FAT4: variants seen among roughly 807,000 people sequenced by gnomAD.
FAT4 encodes FAT atypical cadherin 4, also known as protocadherin Fat 4.
Under a neutral mutation model 303.9 loss-of-function variants are expected in FAT4, and 84 were observed. The observed-to-expected ratio is 0.28, with a 90% CI of 0.23 to 0.33. The LOEUF is 0.33. Among genes scored for constraint, FAT4 ranks in the 10% least tolerant of loss-of-function variants. FAT4 has a pLI of 1.00. For missense variants in FAT4, 6,005 were observed against 6,146.8 expected (o/e 0.98, Z 0.77); for synonymous variants, 2,307 against 2,298.8 (o/e 1.00, Z -0.10).
In FAT4 at chr4:125,490,068, A is replaced by T; in HGVS notation, c.13252A>T (p.Ile4418Phe). The T allele has an allele frequency of 6.2e-7, 1 of 1,614,006 alleles. No homozygotes were observed. Among genetic ancestry groups the T allele is most frequent in the Non-Finnish European group, 8.5e-7 (1 of 1,179,984 alleles). Residue 4418 changes from isoleucine to phenylalanine, a missense_variant, in exon 18 of 18, where the codon ATT becomes TTT. Physicochemically the swap from Ile to Phe is conservative, Grantham distance 21. Coordinates refer to ENST00000394329, the MANE Select transcript of FAT4 (RefSeq NM_001291303.3). ...CCCCTGCTGGGGTGATTTGCTGTGC[A>T]TTAATCAGTGGTATGCCTACAGGTG... ...SNPCWGDLLC[I>F]NQWYAYRCVP...
At position 125,448,498 on chromosome 4, in the gene FAT4, T is replaced by C. The variant is rs769577317; in HGVS notation, c.7488T>C (p.Asp2496=). ...TTGCGGTTACAGTCACAGATGCTGA[T>C]ATTGGACCAAATTCTGAACTGCATT... ...FVFAVTVTDA[D]IGPNSELHYS... is the part of the protein sequence containing the mutation. The change falls in exon 10 of 18, where the codon GAT becomes GAC. Residue 2496 remains aspartate, a synonymous_variant. Transcript: ENST00000394329. 8 of 1,612,262 alleles carry C rather than the reference T, an allele frequency of 5.0e-6. 1 individual carries two copies. The South Asian group carries it at 8.8e-5, about 18-fold the overall frequency.
chr4:125,404,985 G>A (rs1333916906), intron 3 of FAT4, among the ~76,000 whole-genome samples: 1 of 150,492 alleles, frequency 6.6e-6, no homozygotes, highest in Non-Finnish European at 1.5e-5. Context: ...GACCAGAAGT[G>A]TCTCAAATTC....
chr4:125,370,726 T>C (rs551941660), intron 2 of FAT4, among the ~76,000 whole-genome samples: 1 of 152,168 alleles, frequency 6.6e-6, no homozygotes, highest in Non-Finnish European at 1.5e-5. Flanking sequence ...GCAGGCAGTG[T>C]CATCTCTCTG....
At chr4:125,412,824 A>G (rs941702468) in intron 5 of FAT4, among the ~76,000 whole-genome samples, 2 of 151,812 alleles carry the variant, frequency 1.3e-5, no homozygotes, top group African/African-American at 4.8e-5. Flanking sequence ...TCTAGAATTA[A>G]ATTTTATATC....
In FAT4 at chr4:125,450,381, G is replaced by A; in HGVS notation, c.9371G>A (p.Gly3124Asp). Residue 3124 changes from glycine to aspartate, a missense_variant, in exon 10 of 18, where the codon GGC (glycine) becomes GAC (aspartate). Transcript: ENST00000394329. ...SARDRDAAMN[G>D]LIKYSISSGN... ...AGAGATAGAGATGCAGCGATGAATG[G>A]CTTGATTAAGTACAGCATTTCTTCA... 1 of 1,614,048 alleles carries A rather than the reference G, an allele frequency of 6.2e-7. No individual in the cohort carries two copies.
intron 2 of FAT4, among the ~76,000 whole-genome samples, chr4:125,371,011 G>T (rs1733087545): frequency 6.6e-6 from 1 of 151,982 alleles, no homozygotes; most frequent in Admixed American, 6.6e-5. Context: ...AGCCAGGCCT[G>T]GTGGTGCATG....
At position 125,320,346 on chromosome 4, in the gene FAT4, C is replaced by G. The variant is rs1312880514; in HGVS notation, c.3935C>G (p.Thr1312Ser). The G allele has an allele frequency of 6.2e-7, 1 of 1,613,550 alleles. No homozygotes were observed. Among genetic ancestry groups the G allele is most frequent in the Non-Finnish European group, 8.5e-7 (1 of 1,179,646 alleles). ...GATATTTTAGATGAAAATGACAATA[C>G]CCCTTCTTTCCCTAAATCAACACTC... ...NIDILDENDN[T>S]PSFPKSTLFV... is the part of the protein sequence containing the mutation. The change falls in exon 2 of 18, where the codon ACC becomes AGC. Residue 1312 changes from threonine to serine, a missense_variant. Thr to Ser is a moderately conservative substitution (Grantham distance 58). Transcript: ENST00000394329.
At chr4:125,429,788 G>A (rs151310293) in intron 7 of FAT4, among the ~76,000 whole-genome samples, 1 of 152,166 alleles carries the variant, frequency 6.6e-6, no homozygotes, top group African/African-American at 2.4e-5. Flanking sequence ...ACACACTAAT[G>A]TTGAGACTCT....
At chr4:125,457,374 C>A (rs894597591) in intron 10 of FAT4, among the ~76,000 whole-genome samples, 26 of 152,144 alleles carry the variant, frequency 1.7e-4, no homozygotes, top group Admixed American at 1.6e-3. Flanking sequence ...TAGTTATTAT[C>A]ATACTGTCAC....
In FAT4 at chr4:125,415,286, T is replaced by C. The variant is rs1159605145; in HGVS notation, c.6323T>C (p.Leu2108Pro). 6.2e-7 allele frequency: 1 copy of C among 1,614,060 alleles called. No individual in the cohort carries two copies. Among genetic ancestry groups the C allele is most frequent in the Admixed American group, 1.7e-5 (1 of 60,010 alleles). Residue 2108 changes from leucine to proline, a missense_variant, in exon 6 of 18, where the codon CTC (leucine) becomes CCC (proline). Leu to Pro is a moderately conservative substitution (Grantham distance 98). Coordinates refer to ENST00000394329, the MANE Select transcript of FAT4 (RefSeq NM_001291303.3). The part of the protein sequence containing the change: ...SIGTIDGEVR[L>P]TGELDREEVS... ...GGGACCATTGATGGTGAAGTGAGGC[T>C]CACTGGAGAACTGGACAGAGAAGAA...
chr4:125,406,409 T>C (rs997367096), intron 3 of FAT4, among the ~76,000 whole-genome samples: 2 of 152,220 alleles, frequency 1.3e-5, no homozygotes, highest in Non-Finnish European at 2.9e-5. Flanking sequence ...CTTTGTAGTA[T>C]ATTTTAAAAT....
chr4:125,454,479 A>C (rs1726208648), intron 10 of FAT4, among the ~76,000 whole-genome samples: 1 of 152,230 alleles, frequency 6.6e-6, no homozygotes, highest in African/African-American at 2.4e-5. Flanking sequence ...CTGTCCACAA[A>C]ATGGGAATAA....
intron 12 of FAT4, among the ~76,000 whole-genome samples, chr4:125,473,088 AC>A: frequency 6.6e-6 from 1 of 152,216 alleles, no homozygotes; most frequent in South Asian, 2.1e-4. Context: ...TGTTGTCAAG[AC>A]ATAATGTTAT....
intron 8 of FAT4, among the ~76,000 whole-genome samples, chr4:125,439,981 G>A (rs1447307802): frequency 9.2e-5 from 14 of 152,136 alleles, no homozygotes; most frequent in Admixed American, 8.5e-4. Flanking sequence ...GTATCAAACA[G>A]TATGTATGGA....
intron 10 of FAT4, among the ~76,000 whole-genome samples, chr4:125,460,307 C>A (rs748388738): frequency 1.7e-4 from 26 of 151,924 alleles, no homozygotes; most frequent in Non-Finnish European, 3.1e-4. Flanking sequence ...ATTTTAGGTT[C>A]TGGGTACATG....
At chr4:125,359,870 C>T (rs1732584783) in intron 2 of FAT4, among the ~76,000 whole-genome samples, 1 of 152,242 alleles carries the variant, frequency 6.6e-6, no homozygotes, top group African/African-American at 2.4e-5. Context: ...CTTTTACTCA[C>T]AGGCTCCAGC....
At chr4:125,477,845 G>C (rs1413219949) in intron 14 of FAT4, among the ~76,000 whole-genome samples, 1 of 151,820 alleles carries the variant, frequency 6.6e-6, no homozygotes, top group Non-Finnish European at 1.5e-5. Context: ...CAATAACTTA[G>C]GGATGTTAGA....
At chr4:125,456,613 T>C (rs190396129) in intron 10 of FAT4, among the ~76,000 whole-genome samples, 129 of 152,350 alleles carry the variant, frequency 8.5e-4, no homozygotes, top group Non-Finnish European at 1.7e-3. Flanking sequence ...ATCCATACTT[T>C]AAATTAGAAA....
At chr4:125,386,981 A>T (rs1410491709) in intron 2 of FAT4, among the ~76,000 whole-genome samples, 2 of 152,248 alleles carry the variant, frequency 1.3e-5, no homozygotes, top group African/African-American at 4.8e-5. Flanking sequence ...ATTCTCATAA[A>T]GAGCGTGCAA....
Sources: gnomAD v4.1 joint callset for allele counts (sites outside exome capture counted in the v4.1 genomes callset) on GRCh38, gnomAD v4.1.1 for gene constraint, MANE v1.5 for transcripts, NCBI Gene and HGNC (gene_info 2026-07-23, HGNC 2026-07-21) for gene names.